The following MANBA variants were observed in gnomAD, a reference collection of about 807,000 sequenced individuals.
The protein encoded by MANBA is beta-mannosidase.
Under a neutral mutation model 111.1 loss-of-function variants are expected in MANBA, and 83 were observed. That is an observed-to-expected ratio of 0.75 (90% confidence interval 0.63 to 0.90). MANBA has a LOEUF of 0.90. MANBA is among the 40% of genes least tolerant of loss of function. MANBA has a pLI of 0.00. For synonymous variants in MANBA, 370 were observed against 378.7 expected (o/e 0.98, Z 0.27); for missense variants, 1,036 against 1,069.0 (o/e 0.97, Z 0.43).
intron 5 of MANBA, among the ~76,000 whole-genome samples, chr4:102,694,543 C>T (rs1312769522): frequency 6.6e-6 from 1 of 152,144 alleles, no homozygotes; most frequent in Non-Finnish European, 1.5e-5. Context: ...TCTCTCCTAG[C>T]ATTAATAAGT....
intron 11 of MANBA, among the ~76,000 whole-genome samples, chr4:102,658,519 T>C (rs1416557039): frequency 6.6e-6 from 1 of 152,214 alleles, no homozygotes; most frequent in Non-Finnish European, 1.5e-5. Context: ...TAAGCCTTGG[T>C]AGATTTATCT....
chr4:102,632,330 T>G, intron 16 of MANBA, 49 bp from the exon 17 acceptor site: 1 of 1,352,942 alleles, frequency 7.4e-7, no homozygotes, highest in Non-Finnish European at 1.1e-6. Flanking sequence ...AGGGAAGAGT[T>G]ATATAGTCTG....
At chr4:102,655,764 CA>C (rs1560751358) in intron 12 of MANBA, among the ~76,000 whole-genome samples, 2 of 151,822 alleles carry the variant, frequency 1.3e-5, no homozygotes, top group Non-Finnish European at 2.9e-5. Context: ...GATGCAACAC[CA>C]AAAAGAACAG....
At chr4:102,710,314 G>A (rs1434840455) in intron 5 of MANBA, among the ~76,000 whole-genome samples, 4 of 152,118 alleles carry the variant, frequency 2.6e-5, no homozygotes, top group African/African-American at 9.7e-5. Context: ...CAGCAAATTT[G>A]TAGGACACAA....
At chr4:102,759,065 C>T (rs1337452133) in intron 1 of MANBA, among the ~76,000 whole-genome samples, 1 of 151,882 alleles carries the variant, frequency 6.6e-6, no homozygotes, top group African/African-American at 2.4e-5. Context: ...AGCTTCTTAG[C>T]TCTGTAATAT....
chr4:102,699,955 C>CT lies in MANBA; in HGVS notation c.674-9185dup, dbSNP rs1732938102. On this transcript the variant is annotated intron_variant, in intron 5 of 16. Coordinates refer to ENST00000647097, the MANE Select transcript of MANBA (RefSeq NM_005908.4). ...ATGGTACCAGTTCCTCCTTGTACCT[C>CT]TGGTAGAATTCAGCTGTAAATCCAT... Among the ~76,000 whole-genome samples the CT allele has an allele frequency of 7.2e-5, 11 of 152,068 alleles. No individual in the cohort carries two copies. The South Asian group carries it at 2.3e-3, about 32-fold the overall frequency.
At chr4:102,760,690 C>A (rs1005015092) in intron 1 of MANBA, 28 bp downstream of exon 1, 29 of 1,510,416 alleles carry the variant, frequency 1.9e-5, no homozygotes, top group Non-Finnish European at 2.4e-5. Flanking sequence ...CGGGCGCAGG[C>A]TCGCCGCGGG....
intron 5 of MANBA, among the ~76,000 whole-genome samples, chr4:102,701,065 T>G (rs541505510): frequency 1.3e-3 from 205 of 152,330 alleles, no homozygotes; most frequent in African/African-American, 4.6e-3. Context: ...CATATATATT[T>G]AGGATAGTTA....
intron 1 of MANBA, among the ~76,000 whole-genome samples, chr4:102,745,602 T>C (rs192297428): frequency 1.3e-5 from 2 of 152,306 alleles, no homozygotes; most frequent in Admixed American, 1.3e-4. Context: ...GATCAGGCAT[T>C]TCCAGCTTGC....
chr4:102,733,526 T>C (rs1366529141), intron 1 of MANBA, among the ~76,000 whole-genome samples: 1 of 152,098 alleles, frequency 6.6e-6, no homozygotes, highest in African/African-American at 2.4e-5. Context: ...GCTAATTTTT[T>C]ATTTTTATTT....
At chr4:102,724,025 C>A in intron 2 of MANBA, 58 bp from the exon 3 acceptor site, 1 of 924,034 alleles carries the variant, frequency 1.1e-6, no homozygotes, top group Non-Finnish European at 1.7e-6. Context: ...TTAGATAAGT[C>A]TCTTTTTTAT....
At chr4:102,755,768 A>T (rs1281937198) in intron 1 of MANBA, among the ~76,000 whole-genome samples, 1 of 152,224 alleles carries the variant, frequency 6.6e-6, no homozygotes, top group Non-Finnish European at 1.5e-5. Flanking sequence ...AACTTCAACA[A>T]ATTTACAAGA....
At chr4:102,760,630 G>A in intron 1 of MANBA, 88 bp downstream of exon 1, 1 of 1,366,446 alleles carries the variant, frequency 7.3e-7, no homozygotes, top group Non-Finnish European at 9.8e-7. Context: ...ATGGCCCAGA[G>A]CTGGGGGCTG....
Position 102,674,057 on chromosome 4 carries a change from G to C in MANBA, c.974C>G (p.Thr325Arg). The change falls in exon 8 of 17, where the codon ACA (threonine) becomes AGA (arginine). Residue 325 changes from threonine (T) to arginine (R), a missense_variant. By Grantham distance (71) the Thr-to-Arg change is moderately conservative (BLOSUM62 -1). Coordinates refer to ENST00000647097, the MANE Select transcript of MANBA (RefSeq NM_005908.4). ...TATAGGCTCTTCTATAAGTTCCACT[G>C]TCCTAAAATAAACCTGCAATGAACA... ...IEKSAKVYFR[T>R]VELIEEPIKG... 1 of 1,599,008 alleles carries C rather than the reference G, an allele frequency of 6.3e-7. No homozygotes were observed. The highest frequency in any genetic ancestry group is 8.6e-7 in the Non-Finnish European group (1 of 1,166,488).
At chr4:102,745,533 A>C (rs1456470213) in intron 1 of MANBA, among the ~76,000 whole-genome samples, 1 of 151,964 alleles carries the variant, frequency 6.6e-6, no homozygotes, top group Non-Finnish European at 1.5e-5. Flanking sequence ...TGACCAATCC[A>C]CTCCAGCATC....
At chr4:102,664,331 T>C (rs1442483443) in intron 11 of MANBA, among the ~76,000 whole-genome samples, 1 of 151,414 alleles carries the variant, frequency 6.6e-6, no homozygotes, top group East Asian at 2.0e-4. Context: ...TATTCAAACT[T>C]ATCCACTTTA....
intron 1 of MANBA, chr4:102,734,388 G>C: frequency 1.2e-6 from 2 of 1,610,404 alleles, no homozygotes; most frequent in South Asian, 2.2e-5. Context: ...CTCACCTCTG[G>C]AGGTGCCTGA....
At chr4:102,721,027 T>G in intron 4 of MANBA, among the ~76,000 whole-genome samples, 1 of 152,230 alleles carries the variant, frequency 6.6e-6, no homozygotes, top group African/African-American at 2.4e-5. Flanking sequence ...GCCCAATCAT[T>G]ACATTTGTTG....
rs34353180 is a variant in MANBA, at chr4:102,712,524, C to CTTT, written c.673+1911_673+1913dup. 3.0e-3 allele frequency among the ~76,000 whole-genome samples: 439 copies of CTTT among 144,992 alleles called. 4 individuals carry two copies. The highest frequency in any genetic ancestry group is 6.4e-3 in the South Asian group (29 of 4,546). ...AATAACTTTTTGCTAAATCGGACCA[C>CTTT]TTTTTTTTTTTTTTAAACAGCATCT... On this transcript the variant is annotated intron_variant, in intron 5 of 16. Transcript: ENST00000647097.
Sources: allele counts gnomAD v4.1 joint callset (sites outside exome capture counted in the v4.1 genomes callset), GRCh38; gene constraint gnomAD v4.1.1; transcripts MANE v1.5; gene names NCBI Gene and HGNC (gene_info 2026-07-23, HGNC 2026-07-21).